Variants in NKAIN2 observed in about 807,000 individuals in gnomAD.
NKAIN2 encodes sodium/potassium transporting ATPase interacting 2.
A neutral mutation model predicts 32.6 loss-of-function variants in NKAIN2; 14 were observed. The ratio of observed to expected loss-of-function variants is 0.43; its 90% confidence interval spans 0.28 to 0.67. The LOEUF is 0.67. NKAIN2 is among the 30% of genes least tolerant of loss of function. NKAIN2 has a pLI of 0.17. For synonymous variants in NKAIN2, 80 were observed against 87.2 expected (o/e 0.92, Z 0.46); for missense variants, 198 against 258.3 (o/e 0.77, Z 1.60).
At chr6:124,764,147 T>C (rs1047180243) in intron 4 of NKAIN2, among the ~76,000 whole-genome samples, 1 of 152,208 alleles carries the variant, frequency 6.6e-6, no homozygotes, top group African/African-American at 2.4e-5. Flanking sequence ...TAACATGGGG[T>C]TCTTGAGCAG....
At chr6:124,329,123 C>T (rs539433180) in intron 2 of NKAIN2, among the ~76,000 whole-genome samples, 9 of 152,200 alleles carry the variant, frequency 5.9e-5, no homozygotes, top group Non-Finnish European at 1.3e-4. Context: ...AAACACTCAT[C>T]TAGCACCTCT....
chr6:124,613,174 A>G (rs952493134), intron 3 of NKAIN2, among the ~76,000 whole-genome samples: 5 of 152,124 alleles, frequency 3.3e-5, no homozygotes, highest in South Asian at 2.1e-4. Context: ...GCAGAGTCCA[A>G]TGGGAAGTGA....
chr6:124,564,593 T>C (rs866657612), intron 3 of NKAIN2, among the ~76,000 whole-genome samples: 1 of 152,204 alleles, frequency 6.6e-6, no homozygotes, highest in African/African-American at 2.4e-5. Flanking sequence ...TTACTCTTTG[T>C]GTCCTTGCCA....
intron 3 of NKAIN2, among the ~76,000 whole-genome samples, chr6:124,620,384 T>C (rs1381271714): frequency 6.6e-6 from 1 of 152,174 alleles, no homozygotes; most frequent in Non-Finnish European, 1.5e-5. Context: ...AAACATTTGC[T>C]CCATTTTACA....
chr6:124,455,191 A>C (rs1776271712), intron 3 of NKAIN2, among the ~76,000 whole-genome samples: 1 of 152,082 alleles, frequency 6.6e-6, no homozygotes, highest in South Asian at 2.1e-4. Context: ...GAGAAAAAAG[A>C]GTATTTAATT....
At chr6:124,743,245 G>T (rs796931236) in intron 4 of NKAIN2, among the ~76,000 whole-genome samples, 1 of 151,830 alleles carries the variant, frequency 6.6e-6, no homozygotes, top group Admixed American at 6.6e-5. Context: ...TCCTATGTCA[G>T]AAGATTTTTA....
chr6:124,314,012 A>G (rs950887543), intron 2 of NKAIN2, among the ~76,000 whole-genome samples: 3 of 152,116 alleles, frequency 2.0e-5, no homozygotes, highest in East Asian at 1.9e-4. Flanking sequence ...GGAAAAGGGC[A>G]CAAACTAGGT....
intron 1 of NKAIN2, among the ~76,000 whole-genome samples, chr6:124,274,272 G>A (rs1794929379): frequency 6.6e-6 from 1 of 152,062 alleles, no homozygotes; most frequent in Admixed American, 6.5e-5. Flanking sequence ...ATAATTTGTA[G>A]TAATAGAGTA....
intron 1 of NKAIN2, among the ~76,000 whole-genome samples, chr6:124,095,805 A>C (rs1281246536): frequency 6.6e-6 from 1 of 152,172 alleles, no homozygotes; most frequent in Non-Finnish European, 1.5e-5. Context: ...TGCATTCAAC[A>C]TCAAGCTTAC....
At chr6:124,237,852 TAGGGAGCAC>T (rs1272418933) in intron 1 of NKAIN2, among the ~76,000 whole-genome samples, 11 of 152,172 alleles carry the variant, frequency 7.2e-5, no homozygotes, top group Non-Finnish European at 1.0e-4. Flanking sequence ...AATGCTATGA[TAGGGAGCAC>T]AGAAGAGCAG....
Position 124,625,118 on chromosome 6 carries a change from CCT to C in NKAIN2, c.274-33067_274-33066del, listed in dbSNP as rs1491184862. On this transcript the variant is annotated intron_variant, in intron 3 of 6. Coordinates refer to ENST00000368417, the MANE Select transcript of NKAIN2 (RefSeq NM_001040214.3). ...CCTCAATATTGATCTGTGTTTGCCC[CCT>C]GTCTTCCTGACACTAGAGTTTTCTT... is the stretch of plus-strand genomic sequence containing the variant. Among the ~76,000 whole-genome samples the C allele has an allele frequency of 4.0e-4, 57 of 141,574 alleles. 2 individuals are homozygous for C. In the East Asian group the frequency reaches 9.2e-3, roughly 23 times the overall value. 92.9% of individuals were successfully genotyped at this position (141,574 alleles called of 152,430 possible). A position where few individuals can be genotyped will look rare whatever the true frequency, so the allele number is the denominator to read the frequency against.
intron 4 of NKAIN2, among the ~76,000 whole-genome samples, chr6:124,780,003 T>G (rs2114782154): frequency 6.6e-6 from 1 of 152,318 alleles, no homozygotes; most frequent in African/African-American, 2.4e-5. Flanking sequence ...CAGTTGAAAA[T>G]AAAACAATGA....
At chr6:123,886,951 A>G (rs962209878) in intron 1 of NKAIN2, among the ~76,000 whole-genome samples, 2 of 152,148 alleles carry the variant, frequency 1.3e-5, no homozygotes, top group African/African-American at 4.8e-5. Context: ...GAGGCAATGT[A>G]TTGGAATGCA....
chr6:124,427,759 C>T (rs1775043448), intron 3 of NKAIN2, among the ~76,000 whole-genome samples: 1 of 152,150 alleles, frequency 6.6e-6, no homozygotes, highest in Admixed American at 6.5e-5. Flanking sequence ...CAGCAGGTTC[C>T]TCACTGGTCT....
At chr6:124,380,532 G>C (rs1772587531) in intron 3 of NKAIN2, among the ~76,000 whole-genome samples, 1 of 152,126 alleles carries the variant, frequency 6.6e-6, no homozygotes, top group Non-Finnish European at 1.5e-5. Flanking sequence ...AACCTGATGA[G>C]GTCTTAAGGA....
At chr6:124,023,684 A>T (rs970024986) in intron 1 of NKAIN2, among the ~76,000 whole-genome samples, 3 of 152,176 alleles carry the variant, frequency 2.0e-5, no homozygotes, top group Admixed American at 6.6e-5. Context: ...TTAACTTTAC[A>T]TTGATTTTCT....
intron 6 of NKAIN2, among the ~76,000 whole-genome samples, chr6:124,820,958 A>G (rs942699868): frequency 2.0e-5 from 3 of 152,192 alleles, no homozygotes; most frequent in African/African-American, 7.2e-5. Flanking sequence ...CTGCTGACAT[A>G]TAACATCAGC....
intron 4 of NKAIN2, among the ~76,000 whole-genome samples, chr6:124,698,609 A>G (rs1422627796): frequency 1.3e-5 from 2 of 152,196 alleles, no homozygotes; most frequent in Non-Finnish European, 2.9e-5. Flanking sequence ...CAGGATAATT[A>G]CTTTGCTCTC....
At chr6:124,274,720 A>G (rs770302955) in intron 1 of NKAIN2, among the ~76,000 whole-genome samples, 8 of 152,140 alleles carry the variant, frequency 5.3e-5, no homozygotes, top group Non-Finnish European at 1.0e-4. Context: ...TGTAGTGTAC[A>G]GAATATAATA....
Sources: gnomAD v4.1 joint callset for allele counts (sites outside exome capture counted in the v4.1 genomes callset) on GRCh38, gnomAD v4.1.1 for gene constraint, MANE v1.5 for transcripts, NCBI Gene and HGNC (gene_info 2026-07-23, HGNC 2026-07-21) for gene names.